GRM5: variants seen among roughly 807,000 people sequenced by gnomAD.
GRM5 encodes metabotropic glutamate receptor 5.
In GRM5, 19 loss-of-function variants were observed where a neutral mutation model predicts 83.1. The ratio of observed to expected loss-of-function variants is 0.23; its 90% confidence interval spans 0.16 to 0.34. The LOEUF is 0.34. Ranked by LOEUF, GRM5 falls within the 10% of genes least tolerant of loss-of-function variation. GRM5 has a pLI of 1.00. For missense variants in GRM5, 1,160 were observed against 1,588.3 expected (o/e 0.73, Z 4.58); for synonymous variants, 675 against 633.6 (o/e 1.07, Z -0.98).
At chr11:88,632,620 C>T (rs75231056) in intron 4 of GRM5, among the ~76,000 whole-genome samples, 35 of 152,210 alleles carry the variant, frequency 2.3e-4, no homozygotes, top group African/African-American at 8.2e-4. Flanking sequence ...ATTCTTTCAC[C>T]TGTTGGTGAA....
intron 3 of GRM5, among the ~76,000 whole-genome samples, chr11:88,724,673 G>C (rs1030205269): frequency 1.3e-5 from 2 of 152,170 alleles, no homozygotes; most frequent in African/African-American, 4.8e-5. Context: ...GATCAATGCA[G>C]GTGGGTGATT....
chr11:89,054,869 C>T (rs1023184287), intron 1 of GRM5, among the ~76,000 whole-genome samples: 30 of 152,176 alleles, frequency 2.0e-4, no homozygotes, highest in African/African-American at 7.2e-4. Context: ...ATAGAGTGTT[C>T]TCTGGGTAGT....
intron 2 of GRM5, among the ~76,000 whole-genome samples, chr11:88,882,248 GTAAATAAA>G (rs141706389): frequency 2.1e-5 from 3 of 143,924 alleles, no homozygotes; most frequent in Admixed American, 6.9e-5. Context: ...AAATAAGTAA[GTAAATAAA>G]TAAATAAATA....
chr11:88,951,622 A>G (rs1247252901), intron 2 of GRM5, among the ~76,000 whole-genome samples: 1 of 152,204 alleles, frequency 6.6e-6, no homozygotes, highest in African/African-American at 2.4e-5. Flanking sequence ...TCAGAGAAAT[A>G]TTGTCTATTT....
intron 2 of GRM5, among the ~76,000 whole-genome samples, chr11:89,025,398 G>GA (rs202096880): frequency 0.032 from 4,802 of 152,154 alleles, 108 homozygotes; most frequent in Non-Finnish European, 0.048. Context: ...CAGTGAGAGT[G>GA]AAAATATGAG....
At chr11:88,718,798 G>T (rs1941460035) in intron 3 of GRM5, among the ~76,000 whole-genome samples, 1 of 151,986 alleles carries the variant, frequency 6.6e-6, no homozygotes, top group South Asian at 2.1e-4. Flanking sequence ...CACCTTTATA[G>T]ACTAAAGGCT....
chr11:88,781,688 T>C (rs999213795), intron 3 of GRM5, among the ~76,000 whole-genome samples: 9 of 152,246 alleles, frequency 5.9e-5, no homozygotes, highest in African/African-American at 2.2e-4. Flanking sequence ...GAAGAGTTCC[T>C]GCATTCCTGC....
intron 6 of GRM5, among the ~76,000 whole-genome samples, chr11:88,592,092 C>T (rs114286412): frequency 0.01 from 1,536 of 152,170 alleles, 25 homozygotes; most frequent in African/African-American, 0.035. Context: ...AGATAGACTG[C>T]GTGATATTTT....
At chr11:88,528,962 A>C (rs1941944902) in intron 8 of GRM5, among the ~76,000 whole-genome samples, 1 of 152,044 alleles carries the variant, frequency 6.6e-6, no homozygotes, top group Non-Finnish European at 1.5e-5. Flanking sequence ...ATTTCCATTA[A>C]TTTTTCCTCC....
At chr11:88,674,771 C>T (rs1940281578) in intron 3 of GRM5, among the ~76,000 whole-genome samples, 1 of 151,824 alleles carries the variant, frequency 6.6e-6, no homozygotes, top group Non-Finnish European at 1.5e-5. Flanking sequence ...TTATCTCTCA[C>T]TTGAATTAGG....
intron 2 of GRM5, among the ~76,000 whole-genome samples, chr11:88,857,807 T>C (rs1433141530): frequency 1.3e-5 from 2 of 152,066 alleles, no homozygotes; most frequent in Non-Finnish European, 2.9e-5. Flanking sequence ...GAAATGTGTA[T>C]ACATATTTTT....
intron 3 of GRM5, among the ~76,000 whole-genome samples, chr11:88,812,199 G>A (rs539973271): frequency 1.3e-5 from 2 of 152,190 alleles, no homozygotes; most frequent in East Asian, 3.9e-4. Context: ...ATATCCAAGA[G>A]AAATTGTCCC....
At chr11:88,993,983 A>G (rs1177084246) in intron 2 of GRM5, among the ~76,000 whole-genome samples, 5 of 152,158 alleles carry the variant, frequency 3.3e-5, no homozygotes, top group African/African-American at 7.2e-5. Flanking sequence ...CTCCGAAAGT[A>G]CTGGGATTAC....
At chr11:88,767,303 G>C (rs1048280762) in intron 3 of GRM5, among the ~76,000 whole-genome samples, 1 of 151,950 alleles carries the variant, frequency 6.6e-6, no homozygotes, top group Non-Finnish European at 1.5e-5. Flanking sequence ...ATTGCTATTT[G>C]ATCCAGAAAT....
In GRM5 at chr11:88,849,973, T is replaced by G. The variant is rs2135540112; in HGVS notation, c.844A>C (p.Thr282Pro). 6.2e-7 allele frequency: 1 copy of G among 1,614,020 alleles called. No homozygotes were observed. The highest frequency in any genetic ancestry group is 8.5e-7 in the Non-Finnish European group (1 of 1,179,902). Residue 282 changes from threonine (T) to proline (P), a missense_variant, in exon 3 of 10, where the codon ACG becomes CCG. Thr to Pro is a conservative substitution (Grantham distance 38). This residue lies in a region of GRM5 where 84 missense variants were observed against 231.0 expected (regional missense o/e 0.36). Coordinates refer to ENST00000305447, the MANE Select transcript of GRM5 (RefSeq NM_001143831.3). ...RVVACFCEGM[T>P]VRGLLMAMRR... Reference sequence around the variant, plus strand: ...ATGGCCATCAGCAGACCTCTCACCGTCATGCCCTCACAGAAGCAGGCCACC... The same window carrying G: ...ATGGCCATCAGCAGACCTCTCACCGGCATGCCCTCACAGAAGCAGGCCACC...
Position 88,671,026 on chromosome 11 carries a change from C to T in GRM5, c.912-17623G>A, listed in dbSNP as rs536696634. Reference sequence around the variant, plus strand: ...ATGTTCACTGACAGAGCAGGAGCATCGCCATCTTGGACAAGCCCCTCATTC... The same window carrying T: ...ATGTTCACTGACAGAGCAGGAGCATTGCCATCTTGGACAAGCCCCTCATTC... On this transcript the variant is annotated intron_variant, in intron 3 of 9. Coordinates refer to ENST00000305447, the MANE Select transcript of GRM5 (RefSeq NM_001143831.3). Among the ~76,000 whole-genome samples, 8 of 152,064 alleles carry T rather than the reference C, an allele frequency of 5.3e-5. No homozygotes were observed. In the East Asian group the frequency reaches 9.7e-4, roughly 18 times the overall value.
chr11:88,521,278 G>T (rs574817279), intron 9 of GRM5, among the ~76,000 whole-genome samples: 1 of 152,090 alleles, frequency 6.6e-6, no homozygotes, highest in African/African-American at 2.4e-5. Context: ...TTAGCCGGGC[G>T]TGGTGGCGGG....
chr11:88,956,922 C>T (rs1938635453), intron 2 of GRM5, among the ~76,000 whole-genome samples: 1 of 152,114 alleles, frequency 6.6e-6, no homozygotes, highest in Non-Finnish European at 1.5e-5. Context: ...AATTACATAC[C>T]TTACTGGGTT....
chr11:88,590,218 T>C (rs1937614256), intron 7 of GRM5, among the ~76,000 whole-genome samples: 1 of 152,158 alleles, frequency 6.6e-6, no homozygotes, highest in African/African-American at 2.4e-5. Context: ...TTCGGTGATA[T>C]CTTTTTGTTC....
Sources: allele counts gnomAD v4.1 joint callset (sites outside exome capture counted in the v4.1 genomes callset), GRCh38; gene constraint gnomAD v4.1.1; regional missense constraint gnomAD v4.1.1; transcripts MANE v1.5; gene names NCBI Gene and HGNC (gene_info 2026-07-23, HGNC 2026-07-21).